Variants in CACNA2D3 observed in about 807,000 individuals in gnomAD.
The protein encoded by CACNA2D3 is calcium voltage-gated channel auxiliary subunit alpha2delta 3.
A neutral mutation model predicts 160.6 loss-of-function variants in CACNA2D3; 60 were observed. The ratio of observed to expected loss-of-function variants is 0.37; its 90% CI spans 0.30 to 0.46. The LOEUF (loss-of-function observed/expected upper bound fraction) is 0.46, where lower values mean the gene tolerates loss of function less well. Ranked by LOEUF, CACNA2D3 falls within the 20% of genes least tolerant of loss-of-function variation. The pLI is 1.00. For synonymous variants in CACNA2D3, 558 were observed against 492.9 expected, an observed-to-expected ratio of 1.13 and a Z score of -1.75; for missense variants, 1,205 against 1,365.0, an observed-to-expected ratio of 0.88 and a Z score of 1.85.
At chr3:54,662,095 G>A (rs1021688932) in intron 11 of CACNA2D3, among the ~76,000 whole-genome samples, 8 of 151,964 alleles carry the variant, frequency 5.3e-5, no homozygotes, top group Non-Finnish European at 1.0e-4. Context: ...GTTCCTCTGG[G>A]TCACCAGTGG....
chr3:54,922,023 G>C (rs1235413614), intron 27 of CACNA2D3, among the ~76,000 whole-genome samples: 1 of 152,018 alleles, frequency 6.6e-6, no homozygotes, highest in East Asian at 1.9e-4. Context: ...ATTTTTCCTA[G>C]TTATGTTGGG....
intron 13 of CACNA2D3, among the ~76,000 whole-genome samples, chr3:54,806,444 T>C (rs143811551): frequency 0.038 from 5,733 of 152,240 alleles, 141 homozygotes; most frequent in Non-Finnish European, 0.053. Flanking sequence ...GAGTGAACTC[T>C]CATTCACAAT....
Position 54,448,877 on chromosome 3 carries a change from G to A in CACNA2D3, c.382-54615G>A, listed in dbSNP as rs76800500. Among the ~76,000 whole-genome samples the A allele has an allele frequency of 5.1e-3, 780 of 152,284 alleles. 6 individuals carry two copies. The highest frequency in any genetic ancestry group is 0.016 in the South Asian group (78 of 4,830). The stretch of plus-strand genomic sequence containing the variant: ...ACATTTGGCAGGAGAGCCATAAATC[G>A]TTTGTGCAGAGATAGGTTCATCTTC... On this transcript the variant is annotated intron_variant, in intron 4 of 37. Transcript: ENST00000474759.
intron 27 of CACNA2D3, among the ~76,000 whole-genome samples, chr3:54,951,737 C>T (rs956294902): frequency 2.6e-5 from 4 of 152,226 alleles, no homozygotes; most frequent in Non-Finnish European, 5.9e-5. Flanking sequence ...AAAACATCTT[C>T]TCCCTTGCAG....
intron 2 of CACNA2D3, among the ~76,000 whole-genome samples, chr3:54,297,672 G>A (rs894671738): frequency 4.7e-5 from 7 of 149,826 alleles, no homozygotes; most frequent in Non-Finnish European, 5.9e-5. Flanking sequence ...TCAAATCAGG[G>A]TGCTTTGTGT....
intron 5 of CACNA2D3, among the ~76,000 whole-genome samples, chr3:54,507,686 A>T (rs866944153): frequency 1.3e-5 from 2 of 152,326 alleles, no homozygotes; most frequent in Middle Eastern, 3.4e-3. Flanking sequence ...AGGAAAGCTA[A>T]AGAATAAGGC....
At chr3:54,557,585 G>C (rs949200654) in intron 5 of CACNA2D3, among the ~76,000 whole-genome samples, 2 of 152,180 alleles carry the variant, frequency 1.3e-5, no homozygotes, top group Non-Finnish European at 2.9e-5. Flanking sequence ...GCTTCTTTTT[G>C]TGGAAGGTTT....
intron 5 of CACNA2D3, among the ~76,000 whole-genome samples, chr3:54,532,975 T>G (rs1402051068): frequency 6.6e-6 from 1 of 152,222 alleles, no homozygotes; most frequent in East Asian, 1.9e-4. Context: ...TTTTTTGACT[T>G]TTTGATAATG....
chr3:54,959,312 G>A (rs1429604848), intron 27 of CACNA2D3, among the ~76,000 whole-genome samples: 2 of 152,162 alleles, frequency 1.3e-5, no homozygotes, highest in Non-Finnish European at 2.9e-5. Context: ...CTCCACAGGG[G>A]ACTCAGGTCC....
intron 4 of CACNA2D3, among the ~76,000 whole-genome samples, chr3:54,470,415 C>G (rs190092432): frequency 3.3e-5 from 5 of 152,230 alleles, no homozygotes; most frequent in Non-Finnish European, 2.9e-5. Flanking sequence ...TTCCCTTCCA[C>G]GAGCTCCTGA....
chr3:54,778,397 C>A (rs1331727313), intron 13 of CACNA2D3, among the ~76,000 whole-genome samples: 2 of 152,080 alleles, frequency 1.3e-5, no homozygotes, highest in African/African-American at 4.8e-5. Flanking sequence ...CACACCGAGA[C>A]CACTGTACCT....
intron 2 of CACNA2D3, among the ~76,000 whole-genome samples, chr3:54,291,968 G>T (rs760383273): frequency 6.6e-6 from 1 of 152,098 alleles, no homozygotes; most frequent in Non-Finnish European, 1.5e-5. Context: ...AAAAAATAAA[G>T]TTGAAAAACA....
intron 2 of CACNA2D3, among the ~76,000 whole-genome samples, chr3:54,268,373 A>G (rs963276567): frequency 2.0e-5 from 3 of 152,128 alleles, no homozygotes; most frequent in African/African-American, 4.8e-5. Context: ...GTGCCTCACT[A>G]AGGCTCTGTG....
intron 18 of CACNA2D3, 135 bp downstream of exon 18, chr3:54,871,757 G>T (rs1699540823): frequency 1.5e-6 from 1 of 665,548 alleles, no homozygotes; most frequent in East Asian, 2.6e-5. Flanking sequence ...TGGAGACAAG[G>T]GGCCTTTGTA....
intron 2 of CACNA2D3, among the ~76,000 whole-genome samples, chr3:54,144,041 C>T (rs1699982247): frequency 6.6e-6 from 1 of 151,984 alleles, no homozygotes; most frequent in South Asian, 2.1e-4. Context: ...CCAGATGATA[C>T]AAAAAGAAAG....
chr3:54,350,423 G>C (rs949674621), intron 3 of CACNA2D3, among the ~76,000 whole-genome samples: 4 of 152,136 alleles, frequency 2.6e-5, no homozygotes, highest in African/African-American at 9.7e-5. Flanking sequence ...GAAGAAGACA[G>C]ATATGGCCTT....
intron 11 of CACNA2D3, among the ~76,000 whole-genome samples, chr3:54,654,294 G>A (rs1204394266): frequency 6.6e-6 from 1 of 152,114 alleles, no homozygotes; most frequent in African/African-American, 2.4e-5. Context: ...TTTTGAGGGG[G>A]TTAGGGTGCC....
At chr3:54,829,867 TTTCTTC>T (rs948183202) in intron 14 of CACNA2D3, among the ~76,000 whole-genome samples, 2 of 150,962 alleles carry the variant, frequency 1.3e-5, no homozygotes, top group Admixed American at 6.6e-5. Context: ...CTGCATATCT[TTTCTTC>T]TTCTTCTTCA....
At chr3:54,610,213 G>T (rs541083249) in intron 9 of CACNA2D3, among the ~76,000 whole-genome samples, 138 of 152,234 alleles carry the variant, frequency 9.1e-4, no homozygotes, top group African/African-American at 3.3e-3. Flanking sequence ...TCCTAAATAA[G>T]ATCACATTCT....
Sources: gnomAD v4.1 joint callset for allele counts (sites outside exome capture counted in the v4.1 genomes callset) on GRCh38, gnomAD v4.1.1 for gene constraint, MANE v1.5 for transcripts, NCBI Gene and HGNC (gene_info 2026-07-23, HGNC 2026-07-21) for gene names.